The following TBC1D8 variants were observed in gnomAD, a reference collection of about 807,000 sequenced individuals.
TBC1D8 encodes TBC1 domain family member 8.
In TBC1D8, 65 loss-of-function variants were observed where a neutral mutation model predicts 118.8. The ratio of observed to expected loss-of-function variants is 0.55; its 90% CI spans 0.45 to 0.67. TBC1D8 has a LOEUF of 0.67. Among genes scored for constraint, TBC1D8 ranks in the 30% least tolerant of loss-of-function variants. The pLI is 0.00. For synonymous variants in TBC1D8, 566 were observed against 595.8 expected (o/e 0.95, Z 0.73); for missense variants, 1,376 against 1,471.2 (o/e 0.94, Z 1.06).
intron 13 of TBC1D8, 44 bp from the exon 14 acceptor site, chr2:101,028,190 CA>C (rs764342552): frequency 2.0e-5 from 33 of 1,609,970 alleles, no homozygotes; most frequent in Admixed American, 3.4e-5. Flanking sequence ...CCTGCTCATC[CA>C]AAGTGTGGAA....
In TBC1D8 at chr2:101,022,386, A is replaced by C. The variant is rs1680086861; in HGVS notation, c.2656T>G (p.Trp886Gly). The change falls in exon 16 of 20, where the codon TGG (tryptophan) becomes GGG (glycine). Residue 886 changes from tryptophan to glycine, a missense_variant. By Grantham distance (184) the Trp-to-Gly change is radical. Transcript: ENST00000409318. Reference sequence around the variant, plus strand: ...ATCTCCGTGTGGGCCCCGCAGGTCCAGGGCGAGACTAGCTGAAACAGGTGT... The same window carrying C: ...ATCTCCGTGTGGGCCCCGCAGGTCCCGGGCGAGACTAGCTGAAACAGGTGT... ...FAHLFQLVSPWTCGAHTEILA... is the reference protein window; with the variant it reads ...FAHLFQLVSPGTCGAHTEILA... 1.2e-6 allele frequency: 2 copies of C among 1,613,384 alleles called. No homozygotes were observed. The highest frequency in any genetic ancestry group is 1.7e-6 in the Non-Finnish European group (2 of 1,179,656).
At chr2:101,016,387 C>G (rs1255032883) in intron 17 of TBC1D8, among the ~76,000 whole-genome samples, 1 of 151,926 alleles carries the variant, frequency 6.6e-6, no homozygotes, top group Non-Finnish European at 1.5e-5. Flanking sequence ...CCATCTCACA[C>G]CAGTTAGAAT....
intron 19 of TBC1D8, 111 bp from the exon 20 acceptor site, chr2:101,008,384 CA>C: frequency 2.3e-6 from 2 of 867,366 alleles, no homozygotes. Flanking sequence ...TTTGAAGACA[CA>C]GAATATAAGA....
chr2:101,053,289 G>A (rs535867079), intron 4 of TBC1D8, among the ~76,000 whole-genome samples: 18 of 152,302 alleles, frequency 1.2e-4, no homozygotes, highest in African/African-American at 4.3e-4. Flanking sequence ...ACACTCCGAG[G>A]GTGTGGAAGG....
At chr2:101,137,031 CTTTTT>C (rs34792672) in intron 1 of TBC1D8, among the ~76,000 whole-genome samples, 1 of 121,054 alleles carries the variant, frequency 8.3e-6, no homozygotes, top group Non-Finnish European at 1.7e-5. Flanking sequence ...TAGGCTAATT[CTTTTT>C]TTTTTTTTTT....
intron 2 of TBC1D8, among the ~76,000 whole-genome samples, chr2:101,066,494 G>A (rs979111260): frequency 6.6e-6 from 1 of 151,988 alleles, no homozygotes; most frequent in African/African-American, 2.4e-5. Flanking sequence ...TAACTATTGG[G>A]TTATTAAAAT....
At chr2:101,043,195 G>C (rs1681487854) in intron 5 of TBC1D8, among the ~76,000 whole-genome samples, 1 of 152,192 alleles carries the variant, frequency 6.6e-6, no homozygotes, top group African/African-American at 2.4e-5. Flanking sequence ...GTGGACTACT[G>C]TTTCCACGGG....
intron 3 of TBC1D8, among the ~76,000 whole-genome samples, chr2:101,057,402 C>T (rs1682498625): frequency 1.3e-5 from 2 of 152,308 alleles, no homozygotes; most frequent in South Asian, 4.1e-4. Flanking sequence ...GGCCTTTTCC[C>T]TAGTCTTGTC....
At chr2:101,029,995 G>T in intron 11 of TBC1D8, 1 of 479,110 alleles carries the variant, frequency 2.1e-6, no homozygotes, top group Non-Finnish European at 3.7e-6. Context: ...CAGCTGGAAA[G>T]TGGCATGGGG....
chr2:101,132,609 G>A (rs545772315), intron 1 of TBC1D8, among the ~76,000 whole-genome samples: 6 of 152,276 alleles, frequency 3.9e-5, no homozygotes, highest in African/African-American at 1.4e-4. Context: ...TTTTGTTTGA[G>A]ATAGGATCTC....
intron 1 of TBC1D8, among the ~76,000 whole-genome samples, chr2:101,116,527 C>A (rs1001322578): frequency 6.6e-6 from 1 of 152,088 alleles, no homozygotes; most frequent in African/African-American, 2.4e-5. Context: ...GCCAACTCGC[C>A]CCTTCCAAAA....
intron 2 of TBC1D8, among the ~76,000 whole-genome samples, chr2:101,083,472 G>A (rs979616202): frequency 4.6e-5 from 7 of 152,084 alleles, no homozygotes; most frequent in Admixed American, 3.3e-4. Context: ...ACTGAAGCTG[G>A]TAATCTTTAT....
Position 101,151,128 on chromosome 2 carries a change from G to A in TBC1D8, c.126C>T (p.Thr42=). Residue 42 remains threonine (T), a splice_region_variant and synonymous_variant, in exon 1 of 20, where the codon ACC becomes ACT. Transcript: ENST00000409318. ...CGCCCGCCCCGGCGAGCCCCTTACC[G>A]GTGAGGCGGCCGCCCCCCTCGCCGT... ...RGHGEGGGRL[T]GRLVGALDAV... is the part of the protein sequence containing the mutation. 4 of 1,121,636 alleles carry A rather than the reference G, an allele frequency of 3.6e-6. No individual in the cohort carries two copies. The highest frequency in any genetic ancestry group is 4.4e-6 in the Non-Finnish European group (4 of 899,730). The allele number at this position is 1,121,636 out of a possible 1,614,324, so 69.5% of individuals were successfully genotyped here. A position where few individuals can be genotyped will look rare whatever the true frequency, so the allele number is the denominator to read the frequency against.
At chr2:101,085,012 C>T (rs193031112) in intron 2 of TBC1D8, among the ~76,000 whole-genome samples, 137 of 151,984 alleles carry the variant, frequency 9.0e-4, no homozygotes, top group Non-Finnish European at 1.6e-3. Context: ...CCAGGCCCAG[C>T]TAATTTTTTT....
At chr2:101,109,926 A>C (rs1677488341) in intron 1 of TBC1D8, 1 of 985,374 alleles carries the variant, frequency 1.0e-6, no homozygotes. Flanking sequence ...GGCCCCACTC[A>C]AGGGCTGCAG....
chr2:101,127,981 AT>A (rs1678425789), intron 1 of TBC1D8, among the ~76,000 whole-genome samples: 1 of 152,164 alleles, frequency 6.6e-6, no homozygotes, highest in Non-Finnish European at 1.5e-5. Context: ...CTTCAGATCC[AT>A]TTTTTCCCCA....
Position 101,054,239 on chromosome 2 carries a change from T to A in TBC1D8, c.500A>T (p.Asn167Ile), listed in dbSNP as rs746036791. Residue 167 changes from asparagine (N) to isoleucine (I), a missense_variant, in exon 4 of 20, where the codon AAC (asparagine) becomes ATC (isoleucine). Asn to Ile is a moderately radical substitution (Grantham distance 149). Coordinates refer to ENST00000409318, the MANE Select transcript of TBC1D8 (RefSeq NM_001330348.2). The part of the protein sequence containing the change: ...EALVKFEARF[N>I]FPEAEKLVTY... The stretch of plus-strand genomic sequence containing the variant: ...GACCAGCTTCTCCGCCTCGGGGAAG[T>A]TGAACCTGGCCTCGAACTTCACCAG... 41 of 1,607,988 alleles carry A rather than the reference T, an allele frequency of 2.5e-5. No homozygotes were observed. The highest frequency in any genetic ancestry group is 3.3e-5 in the Non-Finnish European group (39 of 1,177,438).
chr2:101,015,569 A>G (rs1679566935), intron 17 of TBC1D8, among the ~76,000 whole-genome samples: 1 of 152,234 alleles, frequency 6.6e-6, no homozygotes, highest in South Asian at 2.1e-4. Context: ...TATTCTATAA[A>G]CATTTTTCTA....
chr2:101,083,176 T>TC (rs1675377176), intron 2 of TBC1D8, among the ~76,000 whole-genome samples: 5 of 152,004 alleles, frequency 3.3e-5, no homozygotes, highest in Admixed American at 3.3e-4. Context: ...CTCCCATACT[T>TC]CCCCACTTAT....
Sources: gnomAD v4.1 joint callset for allele counts (sites outside exome capture counted in the v4.1 genomes callset) on GRCh38, gnomAD v4.1.1 for gene constraint, MANE v1.5 for transcripts, NCBI Gene and HGNC (gene_info 2026-07-23, HGNC 2026-07-21) for gene names.